The following TSPAN7 variants were observed in gnomAD, a reference collection of about 807,000 sequenced individuals.
The protein encoded by TSPAN7 is tetraspanin 7.
TSPAN7 carries 1 observed loss-of-function variant against 17.6 expected under a neutral mutation model. The ratio of observed to expected loss-of-function variants is 0.06; its 90% CI spans 0.02 to 0.27. The LOEUF is 0.27. TSPAN7 is among the 10% of genes least tolerant of loss of function. TSPAN7 has a pLI of 1.00. For missense variants in TSPAN7, 112 were observed against 201.7 expected (o/e 0.56, Z 2.69); for synonymous variants, 78 against 79.0 (o/e 0.99, Z 0.07).
In TSPAN7 at chrX:38,688,494, C is replaced by T. The variant is rs1602129222; in HGVS notation, c.*563C>T. ...TGTAACGAAACACTTCAATAATTGT[C>T]CATGAGGAGAAAAAAAGCATGTGTC... is the stretch of plus-strand genomic sequence containing the variant. On this transcript the variant is annotated 3_prime_UTR_variant, in exon 8 of 8. Coordinates refer to ENST00000378482, the MANE Select transcript of TSPAN7 (RefSeq NM_004615.4). The T allele has an allele frequency of 8.8e-6, 1 of 113,139 alleles. No homozygotes were observed. Among genetic ancestry groups the T allele is most frequent in the Admixed American group, 9.3e-5 (1 of 10,697 alleles). The allele number at this position is 113,139 out of a possible 1,213,427, so 9.3% of individuals were successfully genotyped here.
At chrX:38,659,038 A>C (rs774171299) in intron 1 of TSPAN7, among the ~76,000 whole-genome samples, 4 of 86,725 alleles carry the variant, frequency 4.6e-5, no homozygotes, top group African/African-American at 1.7e-4. Context: ...ACACACACAC[A>C]CCCACAGACG....
chrX:38,625,879 G>A (rs1569308672), intron 1 of TSPAN7, among the ~76,000 whole-genome samples: 1 of 111,963 alleles, frequency 8.9e-6, no homozygotes, highest in Non-Finnish European at 1.9e-5. Flanking sequence ...TGGGAACTTC[G>A]TGGGACCAAG....
chrX:38,643,565 G>T (rs759605217), intron 1 of TSPAN7, among the ~76,000 whole-genome samples: 1 of 108,709 alleles, frequency 9.2e-6, no homozygotes, highest in Non-Finnish European at 1.9e-5. Flanking sequence ...GGCCGGGCAC[G>T]GTGGCTCATG....
At chrX:38,672,416 G>A (rs1424289227) in intron 3 of TSPAN7, among the ~76,000 whole-genome samples, 1 of 109,916 alleles carries the variant, frequency 9.1e-6, no homozygotes, top group East Asian at 2.8e-4. Context: ...GAGCTTGACT[G>A]TATGCTCTCT....
At chrX:38,674,118 C>T in intron 3 of TSPAN7, 103 bp from the exon 4 acceptor site, 1 of 643,036 alleles carries the variant, frequency 1.6e-6, no homozygotes, top group Non-Finnish European at 2.5e-6. Context: ...TACATTTATA[C>T]AGAGACTTTC....
intron 2 of TSPAN7, among the ~76,000 whole-genome samples, chrX:38,666,765 A>AT (rs761695529): frequency 1.1e-4 from 12 of 109,060 alleles, no homozygotes; most frequent in Admixed American, 5.9e-4. Context: ...CGCCCAGCTA[A>AT]TTTTTTTTGT....
At chrX:38,657,354 A>T (rs1442544232) in intron 1 of TSPAN7, among the ~76,000 whole-genome samples, 3 of 111,713 alleles carry the variant, frequency 2.7e-5, no homozygotes, top group African/African-American at 9.8e-5. Context: ...AAAGATCTTT[A>T]CCGTGTTCAG....
At chrX:38,597,117 T>G (rs1034959568) in intron 1 of TSPAN7, among the ~76,000 whole-genome samples, 1 of 111,257 alleles carries the variant, frequency 9.0e-6, no homozygotes, top group African/African-American at 3.3e-5. Flanking sequence ...GTGGATTCTA[T>G]ATTTGCAAAT....
At chrX:38,603,517 A>G (rs2069358255) in intron 1 of TSPAN7, among the ~76,000 whole-genome samples, 1 of 112,331 alleles carries the variant, frequency 8.9e-6, no homozygotes, top group Non-Finnish European at 1.9e-5. Flanking sequence ...CCAAATGTCC[A>G]TCAACTGATA....
intron 1 of TSPAN7, among the ~76,000 whole-genome samples, chrX:38,579,637 C>T (rs369158104): frequency 6.0e-4 from 67 of 111,062 alleles, no homozygotes; most frequent in South Asian, 1.5e-3. Flanking sequence ...TAAGCCTTGT[C>T]TCTTCAAAAT....
At chrX:38,610,265 G>A (rs1170576624) in intron 1 of TSPAN7, among the ~76,000 whole-genome samples, 3 of 111,843 alleles carry the variant, frequency 2.7e-5, no homozygotes, top group Non-Finnish European at 5.6e-5. Flanking sequence ...AGTTATATAA[G>A]TTGTCCAAGA....
chrX:38,614,043 C>T (rs2147419206), intron 1 of TSPAN7, among the ~76,000 whole-genome samples: 1 of 106,353 alleles, frequency 9.4e-6, no homozygotes, highest in East Asian at 3.0e-4. Flanking sequence ...CATCTGTCTG[C>T]TTTGGAGCTT....
chrX:38,646,255 A>T, intron 1 of TSPAN7: 1 of 1,153,345 alleles, frequency 8.7e-7, no homozygotes, highest in Non-Finnish European at 1.1e-6. Flanking sequence ...TTACATGTTC[A>T]TAAAAGAAAG....
chrX:38,674,386 A>G, intron 4 of TSPAN7, 70 bp downstream of exon 4: 1 of 946,698 alleles, frequency 1.1e-6, no homozygotes, highest in South Asian at 2.1e-5. Flanking sequence ...GACTGCCTGT[A>G]GGTTGGCCCA....
rs982875679 is a variant in TSPAN7, at chrX:38,687,504, A to G, written c.682-95A>G. The G allele has an allele frequency of 1.8e-5, 15 of 812,660 alleles. No individual in the cohort carries two copies. In the Admixed American group the frequency reaches 3.7e-4, roughly 20 times the overall value. The allele number at this position is 812,660 out of a possible 1,213,427, so 67.0% of individuals were successfully genotyped here. A position where few individuals can be genotyped will look rare whatever the true frequency, so the allele number is the denominator to read the frequency against. ...GTGATACGCATATGTCAAAAATCACATACCCCATAAATATATAAAATTATT... is the reference window on the plus strand; with the variant it reads ...GTGATACGCATATGTCAAAAATCACGTACCCCATAAATATATAAAATTATT... On this transcript the variant is annotated intron_variant, in intron 6 of 7. Transcript: ENST00000378482.
intron 1 of TSPAN7, among the ~76,000 whole-genome samples, chrX:38,653,056 G>A (rs2069684347): frequency 8.9e-6 from 1 of 112,081 alleles, no homozygotes; most frequent in Admixed American, 9.5e-5. Flanking sequence ...CTGCCTTCGA[G>A]TTGGACAGAA....
intron 1 of TSPAN7, among the ~76,000 whole-genome samples, chrX:38,579,266 T>A (rs2069213971): frequency 9.0e-6 from 1 of 111,172 alleles, no homozygotes; most frequent in African/African-American, 3.3e-5. Flanking sequence ...ATTAACCCAG[T>A]GCATTTTATG....
At chrX:38,644,325 C>T (rs773514735) in intron 1 of TSPAN7, among the ~76,000 whole-genome samples, 23 of 111,970 alleles carry the variant, frequency 2.1e-4, no homozygotes, top group African/African-American at 7.2e-4. Flanking sequence ...TGTGACCAGA[C>T]AGTTTACTGG....
chrX:38,577,373 G>A (rs1001525870), intron 1 of TSPAN7, among the ~76,000 whole-genome samples: 9 of 110,878 alleles, frequency 8.1e-5, no homozygotes, highest in Non-Finnish European at 9.4e-5. Context: ...GGTCACAGTT[G>A]ATTGACCTGG....
Sources: allele counts gnomAD v4.1 joint callset (sites outside exome capture counted in the v4.1 genomes callset), GRCh38; gene constraint gnomAD v4.1.1; transcripts MANE v1.5; gene names NCBI Gene and HGNC (gene_info 2026-07-23, HGNC 2026-07-21).